ZBTB7C: variants seen among roughly 807,000 people sequenced by gnomAD.
ZBTB7C encodes the protein zinc finger and BTB domain containing 7C, also known as zinc finger and BTB domain-containing protein 7C.
In ZBTB7C, 8 loss-of-function variants were observed where a neutral mutation model predicts 25.7. The observed-to-expected ratio is 0.31, with a 90% CI of 0.18 to 0.56. ZBTB7C has a LOEUF of 0.56. Ranked by LOEUF, ZBTB7C falls within the 20% of genes least tolerant of loss-of-function variation. ZBTB7C has a pLI of 0.91. For missense variants in ZBTB7C, 824 were observed against 855.2 expected (o/e 0.96, Z 0.46); for synonymous variants, 394 against 369.0 (o/e 1.07, Z -0.78).
chr18:48,041,670 G>T (rs73953658), intron 3 of ZBTB7C: 12,241 of 334,374 alleles, frequency 0.037, 372 homozygotes, highest in African/African-American at 0.1. Flanking sequence ...GGGCCTTGTG[G>T]TATGTTTTGC....
rs575959831 is a variant in ZBTB7C, at chr18:48,150,992, C to G, written c.-17+34942G>C. 3 of 152,300 alleles carry G rather than the reference C, an allele frequency of 2.0e-5. No homozygotes were observed. The East Asian group carries it at 5.8e-4, about 29-fold the overall frequency. 9.4% of individuals were successfully genotyped at this position (152,300 alleles called of 1,614,324 possible). A position where few individuals can be genotyped will look rare whatever the true frequency, so the allele number is the denominator to read the frequency against. Reference sequence around the variant, plus strand: ...GGGCCCCAGCTCAGAGCCACTGAGTCAGAATCTGAACTCCAAATCTGCATT... The same window carrying G: ...GGGCCCCAGCTCAGAGCCACTGAGTGAGAATCTGAACTCCAAATCTGCATT... On this transcript the variant is annotated intron_variant, in intron 3 of 4. Coordinates refer to ENST00000590800, the MANE Select transcript of ZBTB7C (RefSeq NM_001318841.2).
At chr18:48,284,230 G>A (rs1401333419) in intron 2 of ZBTB7C, among the ~76,000 whole-genome samples, 3 of 152,330 alleles carry the variant, frequency 2.0e-5, no homozygotes, top group African/African-American at 4.8e-5. Flanking sequence ...CAAGGCAGGA[G>A]GACTGCTGAG....
At chr18:48,286,229 T>TGTGC (rs1459738769) in intron 2 of ZBTB7C, among the ~76,000 whole-genome samples, 11 of 121,508 alleles carry the variant, frequency 9.1e-5, no homozygotes, top group Admixed American at 3.2e-4. Flanking sequence ...AGAGAAGAGG[T>TGTGC]GTGCGTGTGT....
intron 2 of ZBTB7C, among the ~76,000 whole-genome samples, chr18:48,326,252 T>C (rs1038670597): frequency 6.6e-6 from 1 of 151,984 alleles, no homozygotes; most frequent in Non-Finnish European, 1.5e-5. Flanking sequence ...CGTGCTACCA[T>C]GGCCAGCTAA....
rs934283702 is a variant in ZBTB7C, at chr18:48,116,191, A to G, written c.-17+69743T>C. Reference sequence around the variant, plus strand: ...TGCCCTATGTCCCTGCCAGTGGGAGACTCCTCACTGTGCTGAAGGCGAGGC... The same window carrying G: ...TGCCCTATGTCCCTGCCAGTGGGAGGCTCCTCACTGTGCTGAAGGCGAGGC... On this transcript the variant is annotated intron_variant, in intron 3 of 4. Coordinates refer to ENST00000590800, the MANE Select transcript of ZBTB7C (RefSeq NM_001318841.2). Among the ~76,000 whole-genome samples the G allele has an allele frequency of 2.6e-5, 4 of 151,600 alleles. No individual in the cohort carries two copies. The East Asian group carries it at 7.8e-4, about 29-fold the overall frequency.
chr18:48,127,925 T>C (rs1429851715), intron 3 of ZBTB7C, among the ~76,000 whole-genome samples: 1 of 152,158 alleles, frequency 6.6e-6, no homozygotes, highest in Non-Finnish European at 1.5e-5. Context: ...CAGCTGCGTG[T>C]CCACAAGGGC....
At chr18:48,208,012 T>C (rs1260092704) in intron 2 of ZBTB7C, among the ~76,000 whole-genome samples, 3 of 135,374 alleles carry the variant, frequency 2.2e-5, no homozygotes, top group African/African-American at 8.3e-5. Flanking sequence ...GTTTGGACAC[T>C]TTACTGAAAA....
At chr18:48,373,357 C>T (rs988726645) in intron 1 of ZBTB7C, among the ~76,000 whole-genome samples, 2 of 152,092 alleles carry the variant, frequency 1.3e-5, no homozygotes, top group Admixed American at 1.3e-4. Context: ...CCTGATGCTT[C>T]CCTAGAAGCT....
chr18:48,177,594 T>G (rs1272643416), intron 3 of ZBTB7C, among the ~76,000 whole-genome samples: 1 of 151,990 alleles, frequency 6.6e-6, no homozygotes, highest in Non-Finnish European at 1.5e-5. Flanking sequence ...TGTGTTTGTG[T>G]GTGTGTGTCT....
At position 48,040,688 on chromosome 18, in the gene ZBTB7C, C is replaced by G. The variant is rs1349209803; in HGVS notation, c.420G>C (p.Glu140Asp). Residue 140 changes from glutamate (E) to aspartate (D), a missense_variant, in exon 4 of 5, where the codon GAG (glutamate) becomes GAC (aspartate). Physicochemically the swap from Glu to Asp is conservative, Grantham distance 45. Around this residue, in one of 4 missense-constraint regions of ZBTB7C, gnomAD observed 316 missense variants for 299.2 expected, o/e 1.06. Transcript: ENST00000590800. The stretch of plus-strand genomic sequence containing the variant: ...CATCATCTTCGTCGTCGTCATCGTC[C>G]TCCTTGTCATCCTCCTCCCCCCCGT... ...GGDGGEEDDK[E>D]DDDDDEDDDD... is the part of the protein sequence containing the mutation. The G allele has an allele frequency of 3.1e-6, 5 of 1,613,858 alleles. No homozygotes were observed. In the South Asian group the frequency reaches 3.3e-5, roughly 11 times the overall value.
chr18:48,161,695 G>GGCCCGGCCCGGCCCGGGCGCCCC (rs1568267516), intron 3 of ZBTB7C, among the ~76,000 whole-genome samples: 2 of 136,296 alleles, frequency 1.5e-5, no homozygotes, highest in African/African-American at 2.9e-5. Flanking sequence ...TCGGCTGCCC[G>GGCCCGGCCCGGCCCGGGCGCCCC]GCCCGGCCCG....
intron 1 of ZBTB7C, among the ~76,000 whole-genome samples, chr18:48,403,501 C>A (rs2048207622): frequency 1.3e-5 from 2 of 152,218 alleles, no homozygotes; most frequent in Non-Finnish European, 2.9e-5. Flanking sequence ...CCCAACAGCA[C>A]TAACTGGCTT....
chr18:48,112,134 T>C (rs2039262599), intron 3 of ZBTB7C, among the ~76,000 whole-genome samples: 1 of 152,200 alleles, frequency 6.6e-6, no homozygotes, highest in Admixed American at 6.5e-5. Context: ...CGTTGTGATG[T>C]GTACAAATAG....
At chr18:48,106,230 C>T (rs2144638835) in intron 3 of ZBTB7C, among the ~76,000 whole-genome samples, 1 of 152,264 alleles carries the variant, frequency 6.6e-6, no homozygotes, top group South Asian at 2.1e-4. Context: ...CATGAACCCC[C>T]TCCTCTTTCC....
rs141289274 is a variant in ZBTB7C at position 48,151,774 on chromosome 18, C to T, written c.-17+34160G>A. ...CTTCACCCCCTGAACTAGGAGCTCA[C>T]GTTTCCATGCTTTTCGTGGTTTCTC... On this transcript the variant is annotated intron_variant, in intron 3 of 4. Transcript: ENST00000590800. Among the ~76,000 whole-genome samples the T allele has an allele frequency of 2.6e-3, 391 of 152,290 alleles. 3 individuals are homozygous for T. In the Middle Eastern group the frequency reaches 0.082, roughly 32 times the overall value.
chr18:48,129,124 G>A (rs1157962543), intron 3 of ZBTB7C, among the ~76,000 whole-genome samples: 1 of 152,116 alleles, frequency 6.6e-6, no homozygotes, highest in African/African-American at 2.4e-5. Context: ...CGGGTGGGGA[G>A]AGGAATTTGA....
intron 2 of ZBTB7C, among the ~76,000 whole-genome samples, chr18:48,312,726 G>A (rs2045851623): frequency 6.6e-6 from 1 of 152,198 alleles, no homozygotes. Context: ...TGCGGGTCAT[G>A]TCACATGCTG....
chr18:48,117,485 C>T (rs1228773935), intron 3 of ZBTB7C, among the ~76,000 whole-genome samples: 1 of 152,180 alleles, frequency 6.6e-6, no homozygotes. Flanking sequence ...GAAGTACTAG[C>T]TCAGCTACTT....
chr18:48,061,888 G>A (rs2037140776), intron 3 of ZBTB7C, among the ~76,000 whole-genome samples: 1 of 152,132 alleles, frequency 6.6e-6, no homozygotes, highest in Non-Finnish European at 1.5e-5. Flanking sequence ...GAAATAGTCA[G>A]TATCACTTCT....
Sources: allele counts gnomAD v4.1 joint callset (sites outside exome capture counted in the v4.1 genomes callset), GRCh38; gene constraint gnomAD v4.1.1; regional missense constraint gnomAD v4.1.1; transcripts MANE v1.5; gene names NCBI Gene and HGNC (gene_info 2026-07-23, HGNC 2026-07-21).